The following ARHGAP18 variants were observed in gnomAD, a reference collection of about 807,000 sequenced individuals.
ARHGAP18 encodes the protein rho GTPase-activating protein 18.
A neutral mutation model predicts 86.2 loss-of-function variants in ARHGAP18; 67 were observed. The observed-to-expected ratio is 0.78, with a 90% confidence interval of 0.64 to 0.95. The LOEUF is 0.95. Among genes scored for constraint, ARHGAP18 ranks in the 40% least tolerant of loss-of-function variants. ARHGAP18 has a pLI of 0.00. For missense variants in ARHGAP18, 691 were observed against 780.4 expected (o/e 0.89, Z 1.37); for synonymous variants, 283 against 280.4 (o/e 1.01, Z -0.09).
intron 14 of ARHGAP18, 48 bp downstream of exon 14, chr6:129,580,022 C>A: frequency 6.9e-7 from 1 of 1,441,992 alleles, no homozygotes; most frequent in East Asian, 2.3e-5. Context: ...TAACCACTGG[C>A]AATATCAAAA....
chr6:129,680,218 A>G lies in ARHGAP18; in HGVS notation c.113+29806T>C, dbSNP rs534925472. ...AATTTTTGGAAGCCACTATCAGACA[A>G]TCATACCTACACAGAAAGCCTAAGA... On this transcript the variant is annotated intron_variant, in intron 1 of 14. Transcript: ENST00000368149. Among the ~76,000 whole-genome samples, 9 of 152,302 alleles carry G rather than the reference A, an allele frequency of 5.9e-5. No individual in the cohort carries two copies. The East Asian group carries it at 1.5e-3, about 26-fold the overall frequency.
At chr6:129,588,339 C>A (rs1788441875) in intron 12 of ARHGAP18, among the ~76,000 whole-genome samples, 1 of 152,196 alleles carries the variant, frequency 6.6e-6, no homozygotes, top group East Asian at 1.9e-4. Flanking sequence ...TGGTCTTGAA[C>A]CCCTGACCTC....
chr6:129,611,902 A>G (rs1788988079), intron 7 of ARHGAP18, among the ~76,000 whole-genome samples: 1 of 152,260 alleles, frequency 6.6e-6, no homozygotes, highest in African/African-American at 2.4e-5. Flanking sequence ...ACTGTTTAAA[A>G]GCAACTAAGA....
intron 3 of ARHGAP18, among the ~76,000 whole-genome samples, chr6:129,637,798 CTGAA>C (rs1398711151): frequency 6.6e-6 from 1 of 152,190 alleles, no homozygotes; most frequent in East Asian, 1.9e-4. Flanking sequence ...TGGAGTCTCT[CTGAA>C]TGTGCTGTGA....
intron 9 of ARHGAP18, among the ~76,000 whole-genome samples, chr6:129,606,910 G>C (rs953358002): frequency 6.6e-6 from 1 of 151,690 alleles, no homozygotes. Context: ...TCCCAGGCTG[G>C]AGTACAGTGG....
chr6:129,653,264 T>C (rs1474798238), intron 1 of ARHGAP18, among the ~76,000 whole-genome samples: 2 of 152,132 alleles, frequency 1.3e-5, no homozygotes, highest in African/African-American at 4.8e-5. Flanking sequence ...AAAATATAAA[T>C]GGAGAAGATA....
At chr6:129,683,293 G>A (rs1429689743) in intron 1 of ARHGAP18, among the ~76,000 whole-genome samples, 3 of 151,446 alleles carry the variant, frequency 2.0e-5, no homozygotes, top group South Asian at 2.1e-4. Context: ...GGATGGTCTC[G>A]ATATCCTGAC....
chr6:129,627,600 T>G lies in ARHGAP18; in HGVS notation c.786+1753A>C, dbSNP rs564158794. 9.5e-5 allele frequency among the ~76,000 whole-genome samples: 14 copies of G among 147,562 alleles called. No individual in the cohort carries two copies. In the East Asian group the frequency reaches 2.2e-3, roughly 23 times the overall value. On this transcript the variant is annotated intron_variant, in intron 5 of 14. Transcript: ENST00000368149. ...TTAATAACCACGTTTCTTTAATAAA[T>G]TAATGAGGAGGGAGGAAGGAAAAAT...
rs1183769151 is a variant in ARHGAP18 at position 129,669,488 on chromosome 6, A to G, written c.114-27470T>C. Reference sequence around the variant, plus strand: ...CGCCCGGCCCTAACATGCACTTTTTAAAGTCAGGAAAAATAGGCCAGGCGC... The same window carrying G: ...CGCCCGGCCCTAACATGCACTTTTTGAAGTCAGGAAAAATAGGCCAGGCGC... On this transcript the variant is annotated intron_variant, in intron 1 of 14. Coordinates refer to ENST00000368149, the MANE Select transcript of ARHGAP18 (RefSeq NM_033515.3). 4.9e-5 allele frequency among the ~76,000 whole-genome samples: 7 copies of G among 144,074 alleles called. No individual in the cohort carries two copies. In the South Asian group the frequency reaches 1.0e-3, roughly 21 times the overall value. The allele number at this position is 144,074 out of a possible 152,430, so 94.5% of individuals were successfully genotyped here.
At position 129,676,915 on chromosome 6, in the gene ARHGAP18, C is replaced by CTTTTTTTTTTT. The variant is rs10688716; in HGVS notation, c.113+33098_113+33108dup. Among the ~76,000 whole-genome samples, 93 of 37,982 alleles carry CTTTTTTTTTTT rather than the reference C, an allele frequency of 2.4e-3. 4 individuals are homozygous for CTTTTTTTTTTT. Among genetic ancestry groups the CTTTTTTTTTTT allele is most frequent in the African/African-American group, 6.2e-3 (90 of 14,506 alleles). The allele number at this position is 37,982 out of a possible 152,430, so 24.9% of individuals were successfully genotyped here. On this transcript the variant is annotated intron_variant, in intron 1 of 14. Coordinates refer to ENST00000368149, the MANE Select transcript of ARHGAP18 (RefSeq NM_033515.3). ...AAACAGATGAAAAATTTTTTGTCCT[C>CTTTTTTTTTTT]TTTTTTTTTTTTTTTTTTTTTTTTT...
intron 1 of ARHGAP18, among the ~76,000 whole-genome samples, chr6:129,647,025 T>A (rs1202504618): frequency 1.3e-5 from 2 of 152,236 alleles, no homozygotes; most frequent in Non-Finnish European, 2.9e-5. Flanking sequence ...TCCTAGTGAC[T>A]GGACTTATTT....
At chr6:129,578,943 G>A (rs1788234226) in intron 14 of ARHGAP18, among the ~76,000 whole-genome samples, 1 of 151,906 alleles carries the variant, frequency 6.6e-6, no homozygotes, top group Admixed American at 6.6e-5. Context: ...CAGCCTGGGT[G>A]ACAGAGGCAG....
At chr6:129,671,544 A>T (rs1015146917) in intron 1 of ARHGAP18, among the ~76,000 whole-genome samples, 1 of 152,006 alleles carries the variant, frequency 6.6e-6, no homozygotes, top group Non-Finnish European at 1.5e-5. Flanking sequence ...ATAAAAAAAA[A>T]TTAAAAATTA....
At chr6:129,651,177 G>C (rs571198201) in intron 1 of ARHGAP18, among the ~76,000 whole-genome samples, 2 of 151,994 alleles carry the variant, frequency 1.3e-5, no homozygotes, top group Admixed American at 1.3e-4. Context: ...AAGTAAGAGA[G>C]GGATGAAAAG....
chr6:129,687,775 A>G lies in ARHGAP18; in HGVS notation c.113+22249T>C, dbSNP rs545076957. 5.9e-4 allele frequency among the ~76,000 whole-genome samples: 74 copies of G among 125,522 alleles called. 2 individuals carry two copies. In the South Asian group the frequency reaches 0.021, roughly 36 times the overall value. 82.3% of individuals were successfully genotyped at this position (125,522 alleles called of 152,430 possible). ...CTGTCTCAGATAGCATAAGAAGTTC[A>G]ATAGTAACCAAACATTTTTTTTTAA... On this transcript the variant is annotated intron_variant, in intron 1 of 14. Coordinates refer to ENST00000368149, the MANE Select transcript of ARHGAP18 (RefSeq NM_033515.3).
chr6:129,593,987 T>C (rs1447708148), intron 12 of ARHGAP18, among the ~76,000 whole-genome samples: 2 of 152,188 alleles, frequency 1.3e-5, no homozygotes, highest in Non-Finnish European at 1.5e-5. Flanking sequence ...TACAAAATTA[T>C]TATTTTTTTA....
chr6:129,608,101 T>C (rs773082553), intron 8 of ARHGAP18, 49 bp from the exon 9 acceptor site: 3 of 1,502,932 alleles, frequency 2.0e-6, no homozygotes, highest in South Asian at 2.6e-5. Context: ...CAGCTAGAAG[T>C]GCATTTTTTT....
chr6:129,583,040 A>G (rs1016546987), intron 13 of ARHGAP18, among the ~76,000 whole-genome samples: 9 of 152,216 alleles, frequency 5.9e-5, no homozygotes, highest in Non-Finnish European at 1.3e-4. Context: ...CAATTATGGT[A>G]CTAGAAGTAT....
chr6:129,640,575 T>C (rs1428564612), intron 2 of ARHGAP18, among the ~76,000 whole-genome samples: 1 of 152,228 alleles, frequency 6.6e-6, no homozygotes, highest in African/African-American at 2.4e-5. Context: ...GTAGTGTTTT[T>C]AGATCTAAGA....
Sources: allele counts gnomAD v4.1 joint callset (sites outside exome capture counted in the v4.1 genomes callset), GRCh38; gene constraint gnomAD v4.1.1; transcripts MANE v1.5; gene names NCBI Gene and HGNC (gene_info 2026-07-23, HGNC 2026-07-21).